The following BCAN variants were observed in gnomAD, a reference collection of about 807,000 sequenced individuals.
The protein encoded by BCAN is brevican, also known as brevican core protein.
In BCAN, 51 loss-of-function variants were observed where a neutral mutation model predicts 92.4. The observed-to-expected ratio is 0.55, with a 90% CI of 0.44 to 0.70. The LOEUF (loss-of-function observed/expected upper bound fraction) is 0.70, where lower values mean the gene tolerates loss of function less well. Among genes scored for constraint, BCAN ranks in the 30% least tolerant of loss-of-function variants. The pLI is 0.00. For missense variants in BCAN, 1,140 were observed against 1,212.1 expected (o/e 0.94, Z 0.88); for synonymous variants, 501 against 505.2 (o/e 0.99, Z 0.11).
intron 9 of BCAN, 31 bp from the exon 10 acceptor site, chr1:156,656,907 G>A (rs771213039): frequency 6.2e-7 from 1 of 1,604,944 alleles, no homozygotes; most frequent in African/African-American, 1.3e-5. Context: ...GGGTTTTGGG[G>A]CCCTAAGATG....
chr1:156,651,306 G>T, intron 6 of BCAN, 150 bp from the exon 7 acceptor site: 1 of 733,350 alleles, frequency 1.4e-6, no homozygotes, highest in Non-Finnish European at 2.3e-6. Context: ...TGAGAAATGA[G>T]TGACGAAGTT....
At position 156,658,640 on chromosome 1, in the gene BCAN, G is replaced by T; in HGVS notation, c.2535G>T (p.Arg845=). ...EVDTVLRYRC[R]EGLAQRNLPL... ...ACACTGTGCTTCGCTACCGGTGCCG[G>T]GAAGGACTGGCCCAGCGCAATCTGC... is the stretch of plus-strand genomic sequence containing the variant. Residue 845 remains arginine, a synonymous_variant, in exon 13 of 14, where the codon CGG becomes CGT. Transcript: ENST00000329117. This position sits in a 1 kb window ranked among gnomAD's most constrained non-coding sequence, Gnocchi z 4.4. The T allele has an allele frequency of 6.2e-7, 1 of 1,614,156 alleles. No homozygotes were observed. Among genetic ancestry groups the T allele is most frequent in the South Asian group, 1.1e-5 (1 of 91,090 alleles).
rs371921059 is a variant in BCAN, at chr1:156,646,851, G to A, written c.142G>A (p.Val48Met). 2 of 1,604,796 alleles carry A rather than the reference G, an allele frequency of 1.2e-6. No individual in the cohort carries two copies. Among genetic ancestry groups the A allele is most frequent in the South Asian group, 1.1e-5 (1 of 90,238 alleles). The change falls in exon 3 of 14, where the codon GTG becomes ATG. Residue 48 changes from valine to methionine, a missense_variant. Physicochemically the swap from Val to Met is conservative, Grantham distance 21. Coordinates refer to ENST00000329117, the MANE Select transcript of BCAN (RefSeq NM_021948.5). ...CGCGGGCGACGCGCCACTGCAGGGC[G>A]TGCTCGGCGGCGCCCTCACCATCCC... ...RIAGDAPLQG[V>M]LGGALTIPCH...
intron 1 of BCAN, among the ~76,000 whole-genome samples, chr1:156,645,719 A>T (rs1200824485): frequency 6.6e-6 from 1 of 152,176 alleles, no homozygotes; most frequent in African/African-American, 2.4e-5. Flanking sequence ...GTTTTAAGAT[A>T]CTAAACACTC....
In BCAN at chr1:156,652,506, C is replaced by T; in HGVS notation, c.1556C>T (p.Ala519Val). The change falls in exon 8 of 14, where the codon GCA becomes GTA. Residue 519 changes from alanine to valine, a missense_variant. Ala to Val is a moderately conservative substitution (Grantham distance 64, BLOSUM62 0). Transcript: ENST00000329117. ...APARAVLQPGASPLPDGESEA... is the reference protein window; with the variant it reads ...APARAVLQPGVSPLPDGESEA... The stretch of plus-strand genomic sequence containing the variant: ...GCAAGGGCAGTCCTGCAGCCTGGTG[C>T]ATCACCACTTCCTGATGGAGAGTCA... 2 of 1,610,714 alleles carry T rather than the reference C, an allele frequency of 1.2e-6. No homozygotes were observed. Among genetic ancestry groups the T allele is most frequent in the South Asian group, 1.1e-5 (1 of 90,528 alleles).
intron 6 of BCAN, among the ~76,000 whole-genome samples, chr1:156,650,691 C>T (rs1359298265): frequency 1.3e-5 from 2 of 152,192 alleles, no homozygotes; most frequent in Non-Finnish European, 2.9e-5. Flanking sequence ...TGGCTCATGC[C>T]TGTAATCCCA....
rs1411732310 is a variant in BCAN, at chr1:156,646,897, G to C, written c.188G>C (p.Arg63Pro). The change falls in exon 3 of 14, where the codon CGG (arginine) becomes CCG (proline). Residue 63 changes from arginine to proline, a missense_variant. Physicochemically the swap from Arg to Pro is moderately radical, Grantham distance 103. This residue lies in a region of BCAN where 286 missense variants were observed against 284.1 expected (regional missense o/e 1.01). Transcript: ENST00000329117. The stretch of plus-strand genomic sequence containing the variant: ...ATCCCTTGCCACGTCCACTACCTGC[G>C]GCCACCGCCGAGCCGCCGGGCTGTG... Reference protein sequence around the residue: ...LTIPCHVHYLRPPPSRRAVLG... With the variant: ...LTIPCHVHYLPPPPSRRAVLG... 1.2e-6 allele frequency: 2 copies of C among 1,610,730 alleles called. No homozygotes were observed. The highest frequency in any genetic ancestry group is 2.2e-5 in the South Asian group (2 of 90,982).
intron 1 of BCAN, chr1:156,643,692 G>C (rs1250804547): frequency 6.9e-6 from 1 of 145,882 alleles, no homozygotes; most frequent in African/African-American, 2.5e-5. Flanking sequence ...CTCTGGGTTG[G>C]GTCTATGAAG....
At chr1:156,656,582 G>T in intron 9 of BCAN, 193 bp downstream of exon 9, 1 of 453,172 alleles carries the variant, frequency 2.2e-6, no homozygotes, top group Non-Finnish European at 3.8e-6. Flanking sequence ...CTCTCATAGG[G>T]GGTCCATTTG....
At chr1:156,649,902 C>G (rs1679105935) in intron 6 of BCAN, 1 of 518,868 alleles carries the variant, frequency 1.9e-6, no homozygotes, top group Non-Finnish European at 3.8e-6. Flanking sequence ...CCTTGAACCT[C>G]AGGGAGCACT....
Position 156,647,640 on chromosome 1 carries a change from A to G in BCAN, c.599A>G (p.Tyr200Cys), listed in dbSNP as rs1679028785. The G allele has an allele frequency of 6.2e-7, 1 of 1,608,810 alleles. No homozygotes were observed. Among genetic ancestry groups the G allele is most frequent in the South Asian group, 1.1e-5 (1 of 90,540 alleles). ...CTCTATGCCGCCTACCTTGGGGGCT[A>G]TGAGCAATGTGATGCTGGCTGGCTG... ...EQLYAAYLGG[Y>C]EQCDAGWLSD... is the part of the protein sequence containing the mutation. The change falls in exon 4 of 14, where the codon TAT (tyrosine) becomes TGT (cysteine). Residue 200 changes from tyrosine (Y) to cysteine (C), a missense_variant. Tyr to Cys is a radical substitution (Grantham distance 194). Transcript: ENST00000329117. This position sits in a 1 kb window ranked among gnomAD's most constrained non-coding sequence, Gnocchi z 4.8.
At position 156,659,050 on chromosome 1, in the gene BCAN, G is replaced by C; in HGVS notation, c.2652G>C (p.Glu884Asp). 1 of 1,601,512 alleles carries C rather than the reference G, an allele frequency of 6.2e-7. No individual in the cohort carries two copies. Among genetic ancestry groups the C allele is most frequent in the Non-Finnish European group, 8.5e-7 (1 of 1,175,496 alleles). The change falls in exon 14 of 14, where the codon GAG (glutamate) becomes GAC (aspartate). Residue 884 changes from glutamate to aspartate, a missense_variant. Glu to Asp is a conservative substitution (Grantham distance 45). Coordinates refer to ENST00000329117, the MANE Select transcript of BCAN (RefSeq NM_021948.5). ...RRPARALHPE[E>D]DPEGRQGRLL... ...AGGCCCGAGCTCTGCACCCAGAGGA[G>C]GACCCAGAAGGACGTCAGGGGAGGC...
intron 8 of BCAN, chr1:156,653,226 T>C (rs1679235457): frequency 7.9e-7 from 1 of 1,272,540 alleles, no homozygotes; most frequent in East Asian, 3.2e-5. Flanking sequence ...TCATCACCTA[T>C]TGCAGCCTTC....
rs779209127 is a variant in BCAN, at chr1:156,658,098, G to A, written c.2293-29G>A. 1 of 1,608,992 alleles carries A rather than the reference G, an allele frequency of 6.2e-7. No homozygotes were observed. The highest frequency in any genetic ancestry group is 8.5e-7 in the Non-Finnish European group (1 of 1,177,348). ...CTCTCCCGGTGCTCCTGGTGTAGGAGCTCCTCACCACCTCCTCCGTTCCCC... is the reference window on the plus strand; with the variant it reads ...CTCTCCCGGTGCTCCTGGTGTAGGAACTCCTCACCACCTCCTCCGTTCCCC... On this transcript the variant is annotated intron_variant, in intron 11 of 13. Coordinates refer to ENST00000329117, the MANE Select transcript of BCAN (RefSeq NM_021948.5). The surrounding 1 kb of genome is among the most constrained non-coding windows in gnomAD (Gnocchi z 4.4).
At chr1:156,655,623 T>G (rs1679299025) in intron 8 of BCAN, among the ~76,000 whole-genome samples, 1 of 151,666 alleles carries the variant, frequency 6.6e-6, no homozygotes, top group East Asian at 1.9e-4. Flanking sequence ...GGGCCTAGAG[T>G]GAGGAAAGTG....
chr1:156,656,196 G>A, intron 8 of BCAN, 86 bp from the exon 9 acceptor site: 1 of 890,908 alleles, frequency 1.1e-6, no homozygotes, highest in Non-Finnish European at 1.6e-6. Context: ...CAGGGCTGGG[G>A]GACCCTCTGC....
intron 8 of BCAN, among the ~76,000 whole-genome samples, chr1:156,653,831 C>T (rs2102568506): frequency 1.3e-5 from 2 of 152,198 alleles, no homozygotes; most frequent in East Asian, 1.9e-4. Context: ...ACCCCTGCAG[C>T]CCGGAGTGCA....
At position 156,647,839 on chromosome 1, in the gene BCAN, C is replaced by A; in HGVS notation, c.642-144C>A. 6.5e-7 allele frequency: 1 copy of A among 1,531,226 alleles called. No homozygotes were observed. The highest frequency in any genetic ancestry group is 9.0e-7 in the Non-Finnish European group (1 of 1,108,458). 94.9% of individuals were successfully genotyped at this position (1,531,226 alleles called of 1,614,324 possible). ...GAGGAGGGGAGGTGAGGACCCTGAG[C>A]ATGTGCATCCCTGCAGTGCTAGAAG... On this transcript the variant is annotated intron_variant, in intron 4 of 13. Coordinates refer to ENST00000329117, the MANE Select transcript of BCAN (RefSeq NM_021948.5). The surrounding 1 kb of genome is among the most constrained non-coding windows in gnomAD (Gnocchi z 4.8).
intron 9 of BCAN, among the ~76,000 whole-genome samples, 187 bp downstream of exon 9, chr1:156,656,576 C>T (rs375220715): frequency 1.2e-4 from 18 of 152,290 alleles, no homozygotes; most frequent in African/African-American, 3.8e-4. Flanking sequence ...CAATGCCTCT[C>T]ATAGGGGGTC....
Sources: allele counts gnomAD v4.1 joint callset (sites outside exome capture counted in the v4.1 genomes callset), GRCh38; gene constraint gnomAD v4.1.1; regional missense constraint gnomAD v4.1.1; non-coding constraint Gnocchi (gnomAD v3.1); transcripts MANE v1.5; gene names NCBI Gene and HGNC (gene_info 2026-07-23, HGNC 2026-07-21).